The following TGFBR2 variants were observed in gnomAD, a reference collection of about 807,000 sequenced individuals.
The protein encoded by TGFBR2 is transforming growth factor beta receptor 2, also known as TGF-beta receptor type-2.
A neutral mutation model predicts 49.0 loss-of-function variants in TGFBR2; 18 were observed. The observed-to-expected ratio is 0.37, with a 90% CI of 0.25 to 0.54. The LOEUF is 0.54. Ranked by LOEUF, TGFBR2 falls within the 20% of genes least tolerant of loss-of-function variation. The pLI, the probability that TGFBR2 is intolerant of heterozygous loss-of-function variation, is 0.85. For synonymous variants in TGFBR2, 282 were observed against 275.9 expected (o/e 1.02, Z -0.22); for missense variants, 525 against 722.6 (o/e 0.73, Z 3.13).
chr3:30,626,113 G>A (rs1354635210), intron 1 of TGFBR2, among the ~76,000 whole-genome samples: 2 of 152,190 alleles, frequency 1.3e-5, no homozygotes, highest in Non-Finnish European at 2.9e-5. Flanking sequence ...AGATGATTCC[G>A]ATGTGGAACC....
chr3:30,691,363 TG>T (rs1171074620), intron 6 of TGFBR2, 56 bp from the exon 7 acceptor site: 20 of 1,597,980 alleles, frequency 1.3e-5, no homozygotes, highest in Non-Finnish European at 1.6e-5. Flanking sequence ...CAGGCCACCT[TG>T]CCTTCCGCGG....
chr3:30,676,684 T>A lies in TGFBR2; in HGVS notation c.1396+2438T>A, dbSNP rs1029273994. Among the ~76,000 whole-genome samples, 8 of 152,256 alleles carry A rather than the reference T, an allele frequency of 5.3e-5. No individual in the cohort carries two copies. The highest frequency in any genetic ancestry group is 1.2e-4 in the Non-Finnish European group (8 of 68,036). On this transcript the variant is annotated intron_variant, in intron 5 of 6. Transcript: ENST00000295754. This position sits in a 1 kb window ranked among gnomAD's most constrained non-coding sequence, Gnocchi z 4.3. Reference sequence around the variant, plus strand: ...CACTGCTGGCTCTGATTCTTCATCCTGTTCAGAATATGCATAGCCAATTCT... The same window carrying A: ...CACTGCTGGCTCTGATTCTTCATCCAGTTCAGAATATGCATAGCCAATTCT...
chr3:30,652,274 G>T (rs1255859435), intron 3 of TGFBR2, among the ~76,000 whole-genome samples: 3 of 118,166 alleles, frequency 2.5e-5, no homozygotes, highest in African/African-American at 9.9e-5. Flanking sequence ...TCACTCTGTC[G>T]CCCAGGCTGG....
At chr3:30,631,752 T>A (rs995254565) in intron 1 of TGFBR2, among the ~76,000 whole-genome samples, 2 of 151,816 alleles carry the variant, frequency 1.3e-5, no homozygotes, top group African/African-American at 4.8e-5. Context: ...GTGTCATTTT[T>A]CAAAATGAAA....
chr3:30,635,387 T>TG (rs1177955145), intron 1 of TGFBR2, among the ~76,000 whole-genome samples: 1 of 152,094 alleles, frequency 6.6e-6, no homozygotes, highest in South Asian at 2.1e-4. Flanking sequence ...CAGCAAGCGT[T>TG]GGGGGGACTC....
chr3:30,618,471 C>T (rs189241584), intron 1 of TGFBR2, among the ~76,000 whole-genome samples: 18 of 151,666 alleles, frequency 1.2e-4, no homozygotes, highest in Middle Eastern at 6.9e-3. Flanking sequence ...CTCCTGACCT[C>T]GTGATCCGCC....
intron 5 of TGFBR2, among the ~76,000 whole-genome samples, chr3:30,678,714 A>G (rs896949062): frequency 3.9e-5 from 6 of 152,148 alleles, no homozygotes; most frequent in Admixed American, 2.6e-4. Flanking sequence ...GATGACTGCC[A>G]TTGGTAATAT....
chr3:30,668,714 A>G (rs1448789657), intron 3 of TGFBR2, among the ~76,000 whole-genome samples: 1 of 151,914 alleles, frequency 6.6e-6, no homozygotes, highest in Non-Finnish European at 1.5e-5. Context: ...TCAATCACCA[A>G]ATTTTCTCAC....
Position 30,612,666 on chromosome 3 carries a change from A to G in TGFBR2, c.94+5689A>G, listed in dbSNP as rs189380991. Among the ~76,000 whole-genome samples the G allele has an allele frequency of 5.3e-5, 8 of 152,302 alleles. No homozygotes were observed. The East Asian group carries it at 1.4e-3, about 26-fold the overall frequency. On this transcript the variant is annotated intron_variant, in intron 1 of 6. Coordinates refer to ENST00000295754, the MANE Select transcript of TGFBR2 (RefSeq NM_003242.6). ...GACCTGTGGTTTGGCCACTTATAGC[A>G]GTTGGACATACCCCATTTGCAAAGA...
chr3:30,672,696 A>T lies in TGFBR2; in HGVS notation c.1254+259A>T, dbSNP rs937469003. Among the ~76,000 whole-genome samples the T allele has an allele frequency of 2.6e-5, 4 of 151,950 alleles. No homozygotes were observed. Among genetic ancestry groups the T allele is most frequent in the African/African-American group, 9.7e-5 (4 of 41,338 alleles). ...ATTTTTTCCTCCTGGATCAATCCTCATTTCTCTTCCAGCAAATGTTTTTTC... is the reference window on the plus strand; with the variant it reads ...ATTTTTTCCTCCTGGATCAATCCTCTTTTCTCTTCCAGCAAATGTTTTTTC... On this transcript the variant is annotated intron_variant, in intron 4 of 6. Transcript: ENST00000295754. The surrounding 1 kb of genome is among the most constrained non-coding windows in gnomAD (Gnocchi z 4.5).
intron 5 of TGFBR2, among the ~76,000 whole-genome samples, chr3:30,680,162 T>C (rs1230760152): frequency 7.9e-6 from 1 of 127,028 alleles, no homozygotes; most frequent in Non-Finnish European, 1.6e-5. Context: ...ATGATTCCTA[T>C]GATCAGTATG....
At chr3:30,664,177 T>A (rs1201410218) in intron 3 of TGFBR2, among the ~76,000 whole-genome samples, 1 of 149,142 alleles carries the variant, frequency 6.7e-6, no homozygotes, top group Non-Finnish European at 1.5e-5. Context: ...ACAGACAGGG[T>A]CTCAATATAT....
chr3:30,648,238 C>T (rs1698805038), intron 2 of TGFBR2, among the ~76,000 whole-genome samples: 1 of 152,114 alleles, frequency 6.6e-6, no homozygotes, highest in South Asian at 2.1e-4. Context: ...TGTTAGTTCT[C>T]TCAGTAGCTA....
At position 30,691,885 on chromosome 3, in the gene TGFBR2, T is replaced by A. The variant is rs1699715979; in HGVS notation, c.*286T>A. On this transcript the variant is annotated 3_prime_UTR_variant, in exon 7 of 7. Transcript: ENST00000295754. Reference sequence around the variant, plus strand: ...AACATTTGCACTTTATTAATGCCTGTATATAAATATGAATAGCTATGTTTT... The same window carrying A: ...AACATTTGCACTTTATTAATGCCTGAATATAAATATGAATAGCTATGTTTT... 7.8e-6 allele frequency: 3 copies of A among 383,430 alleles called. No individual in the cohort carries two copies. The highest frequency in any genetic ancestry group is 1.5e-5 in the Non-Finnish European group (3 of 205,326). The allele number at this position is 383,430 out of a possible 1,614,324, so 23.8% of individuals were successfully genotyped here.
chr3:30,618,690 C>G (rs1324063862), intron 1 of TGFBR2, among the ~76,000 whole-genome samples: 1 of 152,180 alleles, frequency 6.6e-6, no homozygotes, highest in Non-Finnish European at 1.5e-5. Flanking sequence ...CTGCTCTATA[C>G]AAAGTAGGTA....
At chr3:30,646,717 AC>A (rs1698748412) in intron 2 of TGFBR2, among the ~76,000 whole-genome samples, 1 of 152,116 alleles carries the variant, frequency 6.6e-6, no homozygotes, top group African/African-American at 2.4e-5. Context: ...AGATTGAGAC[AC>A]CAGACTAGAT....
chr3:30,639,886 C>G (rs1260009391), intron 1 of TGFBR2, among the ~76,000 whole-genome samples: 5 of 152,090 alleles, frequency 3.3e-5, no homozygotes, highest in Non-Finnish European at 5.9e-5. Context: ...GAGATTTTAC[C>G]TAATGGTTCA....
intron 1 of TGFBR2, among the ~76,000 whole-genome samples, chr3:30,625,660 TA>T (rs1698319859): frequency 6.6e-6 from 1 of 152,224 alleles, no homozygotes; most frequent in South Asian, 2.1e-4. Flanking sequence ...CAATGGCAAC[TA>T]AATGCCCTGC....
At chr3:30,659,571 C>T (rs1699076539) in intron 3 of TGFBR2, among the ~76,000 whole-genome samples, 1 of 151,546 alleles carries the variant, frequency 6.6e-6, no homozygotes, top group Admixed American at 6.6e-5. Context: ...GTAAACAAAG[C>T]TGCACTGAGG....
Sources: allele counts gnomAD v4.1 joint callset (sites outside exome capture counted in the v4.1 genomes callset), GRCh38; gene constraint gnomAD v4.1.1; non-coding constraint Gnocchi (gnomAD v3.1); transcripts MANE v1.5; gene names NCBI Gene and HGNC (gene_info 2026-07-23, HGNC 2026-07-21).